The following ADGRA3 variants were observed in gnomAD, a reference collection of about 807,000 sequenced individuals.
The protein encoded by ADGRA3 is adhesion G protein-coupled receptor A3.
In ADGRA3, 56 loss-of-function variants were observed where a neutral mutation model predicts 119.8. The ratio of observed to expected loss-of-function variants is 0.47; its 90% confidence interval spans 0.38 to 0.58. The LOEUF (loss-of-function observed/expected upper bound fraction) is 0.58, where lower values mean the gene tolerates loss of function less well. Ranked by LOEUF, ADGRA3 falls within the 20% of genes least tolerant of loss-of-function variation. ADGRA3 has a pLI of 0.00. For missense variants in ADGRA3, 1,516 were observed against 1,649.0 expected, an observed-to-expected ratio of 0.92 and a Z score of 1.40; for synonymous variants, 607 against 623.8, an observed-to-expected ratio of 0.97 and a Z score of 0.40.
At chr4:22,514,854 T>G (rs1719582847) in intron 1 of ADGRA3, among the ~76,000 whole-genome samples, 1 of 152,048 alleles carries the variant, frequency 6.6e-6, no homozygotes, top group African/African-American at 2.4e-5. Context: ...ATCCCTCGAG[T>G]TGGAAGGCTC....
chr4:22,452,277 A>C (rs958251776), intron 4 of ADGRA3, among the ~76,000 whole-genome samples: 3 of 152,194 alleles, frequency 2.0e-5, no homozygotes, highest in Non-Finnish European at 2.9e-5. Flanking sequence ...AAGAGGGTGG[A>C]TGATGAGATT....
chr4:22,389,089 A>G lies in ADGRA3; in HGVS notation c.2722T>C (p.Tyr908His). 1 of 1,613,460 alleles carries G rather than the reference A, an allele frequency of 6.2e-7. No individual in the cohort carries two copies. The highest frequency in any genetic ancestry group is 8.5e-7 in the Non-Finnish European group (1 of 1,179,426). Residue 908 changes from tyrosine to histidine, a missense_variant and splice_region_variant, in exon 18 of 19, where the codon TAT becomes CAT. Tyr to His is a moderately conservative substitution (Grantham distance 83). Transcript: ENST00000334304. Reference sequence around the variant, plus strand: ...ACACAGAGAATATAAAATACTCACTAGGGTGCGTTTGGCCGACTGCCGTAA... The same window carrying G: ...ACACAGAGAATATAAAATACTCACTGGGGTGCGTTTGGCCGACTGCCGTAA... ...KNYGSRPNAP[Y>H]CWMAWEPSLG...
rs1718633530 is a variant in ADGRA3 at position 22,491,831 on chromosome 4, T to G, written c.258-17988A>C. Among the ~76,000 whole-genome samples the G allele has an allele frequency of 2.0e-5, 3 of 152,196 alleles. No individual in the cohort carries two copies. The South Asian group carries it at 6.2e-4, about 31-fold the overall frequency. Reference sequence around the variant, plus strand: ...ATCACAACAGTCTTAAACAAAGTCTTCCTTACCATTTTAACAAGTATGAGA... The same window carrying G: ...ATCACAACAGTCTTAAACAAAGTCTGCCTTACCATTTTAACAAGTATGAGA... On this transcript the variant is annotated intron_variant, in intron 1 of 18. Coordinates refer to ENST00000334304, the MANE Select transcript of ADGRA3 (RefSeq NM_145290.4).
intron 14 of ADGRA3, among the ~76,000 whole-genome samples, chr4:22,404,975 G>A (rs1015893367): frequency 6.6e-6 from 1 of 152,126 alleles, no homozygotes; most frequent in African/African-American, 2.4e-5. Flanking sequence ...AGCAGTGCCT[G>A]CTTTAGATTA....
Position 22,475,736 on chromosome 4 carries a change from A to G in ADGRA3, c.258-1893T>C, listed in dbSNP as rs539551214. 1.9e-4 allele frequency among the ~76,000 whole-genome samples: 29 copies of G among 150,994 alleles called. 2 individuals are homozygous for G. Among genetic ancestry groups the G allele is most frequent in the Admixed American group, 1.9e-3 (29 of 15,162 alleles). On this transcript the variant is annotated intron_variant, in intron 1 of 18. Coordinates refer to ENST00000334304, the MANE Select transcript of ADGRA3 (RefSeq NM_145290.4). ...AGCGAGACTCCGTCTCGGAAAAAAA[A>G]ATAAATAAATAAAAAAAAAAGAATG...
intron 3 of ADGRA3, among the ~76,000 whole-genome samples, chr4:22,459,994 T>C (rs1717384461): frequency 6.6e-6 from 1 of 152,178 alleles, no homozygotes; most frequent in African/African-American, 2.4e-5. Context: ...TTTTCCCTCT[T>C]TCTACTTTCT....
At chr4:22,406,160 G>T (rs1714914198) in intron 14 of ADGRA3, among the ~76,000 whole-genome samples, 1 of 151,944 alleles carries the variant, frequency 6.6e-6, no homozygotes, top group South Asian at 2.1e-4. Context: ...CTTTTTTTAT[G>T]ACTGAATAGT....
chr4:22,481,550 C>T (rs1396057509), intron 1 of ADGRA3, among the ~76,000 whole-genome samples: 1 of 152,166 alleles, frequency 6.6e-6, no homozygotes, highest in Non-Finnish European at 1.5e-5. Context: ...TTGTTGAAAA[C>T]AACCATGCCC....
At chr4:22,477,587 T>C (rs1718093266) in intron 1 of ADGRA3, 1 of 152,190 alleles carries the variant, frequency 6.6e-6, no homozygotes, top group African/African-American at 2.4e-5. Flanking sequence ...GAGTAGCTTA[T>C]AAAACACGGC....
chr4:22,429,477 AG>A (rs1716072493), intron 10 of ADGRA3, among the ~76,000 whole-genome samples: 1 of 152,190 alleles, frequency 6.6e-6, no homozygotes, highest in East Asian at 1.9e-4. Flanking sequence ...ACTTCCACAC[AG>A]GGCCTAGGCC....
At chr4:22,435,245 G>C in intron 10 of ADGRA3, 66 bp downstream of exon 10, 3 of 1,325,122 alleles carry the variant, frequency 2.3e-6, no homozygotes, top group Admixed American at 1.7e-5. Flanking sequence ...AAAATACATA[G>C]ATTGAACTCT....
intron 12 of ADGRA3, among the ~76,000 whole-genome samples, chr4:22,418,918 C>T (rs1715538151): frequency 6.6e-6 from 1 of 152,068 alleles, no homozygotes; most frequent in Non-Finnish European, 1.5e-5. Context: ...CAGCTATTTG[C>T]TAAATAGTAA....
At chr4:22,432,160 T>C (rs774139257) in intron 10 of ADGRA3, among the ~76,000 whole-genome samples, 9 of 151,892 alleles carry the variant, frequency 5.9e-5, no homozygotes, top group Non-Finnish European at 1.0e-4. Context: ...AAAGCAACAA[T>C]AGAAAATGGA....
intron 1 of ADGRA3, among the ~76,000 whole-genome samples, chr4:22,505,835 C>G (rs567231189): frequency 1.3e-5 from 2 of 151,876 alleles, no homozygotes. Context: ...GGAAGAGGTA[C>G]AAGACTAAGA....
chr4:22,443,047 T>G (rs1716683285), intron 6 of ADGRA3, 184 bp from the exon 7 acceptor site: 2 of 682,170 alleles, frequency 2.9e-6, no homozygotes, highest in African/African-American at 3.6e-5. Context: ...TAAAACAAAA[T>G]TAAAAAGAAA....
Position 22,420,866 on chromosome 4 carries a change from G to T in ADGRA3, c.1809+20C>A. 1 of 1,600,316 alleles carries T rather than the reference G, an allele frequency of 6.2e-7. No homozygotes were observed. The highest frequency in any genetic ancestry group is 8.6e-7 in the Non-Finnish European group (1 of 1,167,398). On this transcript the variant is annotated intron_variant, in intron 12 of 18. Transcript: ENST00000334304. ...AATTTAACTGTAAATAGTCTTAAAT[G>T]ATTGCAGAATGTAACATACCTTTAG...
chr4:22,389,363 T>C (rs1179725147), intron 17 of ADGRA3, among the ~76,000 whole-genome samples, 180 bp from the exon 18 acceptor site: 1 of 152,194 alleles, frequency 6.6e-6, no homozygotes, highest in Non-Finnish European at 1.5e-5. Context: ...TTTTATTTTG[T>C]TTTTTAGATT....
intron 2 of ADGRA3, among the ~76,000 whole-genome samples, chr4:22,462,197 G>A (rs1349961612): frequency 1.3e-4 from 20 of 152,070 alleles, no homozygotes; most frequent in Non-Finnish European, 1.5e-5. Flanking sequence ...TCATTCAGTT[G>A]AATTTTAAAA....
intron 12 of ADGRA3, among the ~76,000 whole-genome samples, chr4:22,418,922 ATAG>A (rs1715538449): frequency 6.6e-6 from 1 of 152,190 alleles, no homozygotes; most frequent in Non-Finnish European, 1.5e-5. Flanking sequence ...TATTTGCTAA[ATAG>A]TAAGGAAGTA....
Sources: allele counts gnomAD v4.1 joint callset (sites outside exome capture counted in the v4.1 genomes callset), GRCh38; gene constraint gnomAD v4.1.1; transcripts MANE v1.5; gene names NCBI Gene and HGNC (gene_info 2026-07-23, HGNC 2026-07-21).